SOD2: variants seen among roughly 807,000 people sequenced by gnomAD.
SOD2 encodes the protein superoxide dismutase [Mn], mitochondrial.
A neutral mutation model predicts 27.0 loss-of-function variants in SOD2; 11 were observed. The ratio of observed to expected loss-of-function variants is 0.41; its 90% CI spans 0.26 to 0.67. The LOEUF is 0.67. Ranked by LOEUF, SOD2 falls within the 30% of genes least tolerant of loss-of-function variation. SOD2 has a pLI of 0.34. For synonymous variants in SOD2, 105 were observed against 103.0 expected, an observed-to-expected ratio of 1.02 and a Z score of -0.12; for missense variants, 250 against 274.5, an observed-to-expected ratio of 0.91 and a Z score of 0.63.
rs527715134 is a variant in SOD2, at chr6:159,687,749, C to A, written c.343+377G>T. 4.3e-4 allele frequency among the ~76,000 whole-genome samples: 66 copies of A among 152,172 alleles called. 1 individual carries two copies. The South Asian group carries it at 8.9e-3, about 21-fold the overall frequency. On this transcript the variant is annotated intron_variant, in intron 3 of 4. Transcript: ENST00000538183. ...TTAGGCCAGGCACGGTGGCTCATGC[C>A]TGTAATCCCAGCACTTTGGGAGGCC...
chr6:159,696,746 G>A (rs1777427449), upstream of SOD2, among the ~76,000 whole-genome samples: 1 of 152,100 alleles, frequency 6.6e-6, no homozygotes, highest in African/African-American at 2.4e-5. Flanking sequence ...GCTGAGAAAT[G>A]TAGTCAGGTA....
At chr6:159,700,746 A>G (rs1777510438) in intron 1 of SOD2, among the ~76,000 whole-genome samples, 1 of 152,116 alleles carries the variant, frequency 6.6e-6, no homozygotes, top group Non-Finnish European at 1.5e-5. Context: ...CTTAGTCTCT[A>G]AGTACTAAAT....
chr6:159,727,238 G>A (rs1483540696), exon 1 of SOD2: 1 of 1,281,662 alleles, frequency 7.8e-7, no homozygotes, highest in Non-Finnish European at 1.0e-6. Context: ...CCCCGATCGG[G>A]CTAGGCCGAC....
At chr6:159,747,406 A>C (rs1250122499), upstream of SOD2, among the ~76,000 whole-genome samples, 3 of 152,192 alleles carry the variant, frequency 2.0e-5, no homozygotes, top group Non-Finnish European at 4.4e-5. Flanking sequence ...TTTAATCTCA[A>C]AATAAGCAGT....
At chr6:159,702,038 T>C (rs923664187) in intron 1 of SOD2, among the ~76,000 whole-genome samples, 1 of 152,240 alleles carries the variant, frequency 6.6e-6, no homozygotes, top group African/African-American at 2.4e-5. Context: ...AAGAGACTTG[T>C]TATTCAGTTC....
intron 1 of SOD2, among the ~76,000 whole-genome samples, chr6:159,710,431 G>T (rs12194483): frequency 0.32 from 48,219 of 151,650 alleles, 7,642 homozygotes; most frequent in East Asian, 0.4. Flanking sequence ...CCTGGCGACA[G>T]AGTTAGACTC....
At chr6:159,737,863 T>G (rs763239313) in intron 1 of SOD2, among the ~76,000 whole-genome samples, 2 of 152,236 alleles carry the variant, frequency 1.3e-5, no homozygotes, top group African/African-American at 2.4e-5. Flanking sequence ...ATATACTGTT[T>G]CTCAATTTTT....
In SOD2 at chr6:159,674,632, C is replaced by T. The variant is rs1369590068; in HGVS notation, c.*7861G>A. ...AGAGCTATCTATGACAAACCCACAGCCAATATCAGACTGAATGGGCAAAAA... is the reference window on the plus strand; with the variant it reads ...AGAGCTATCTATGACAAACCCACAGTCAATATCAGACTGAATGGGCAAAAA... On this transcript the variant is annotated 3_prime_UTR_variant, in exon 5 of 5. Transcript: ENST00000538183. 6.6e-6 allele frequency: 1 copy of T among 152,186 alleles called. No individual in the cohort carries two copies. The highest frequency in any genetic ancestry group is 1.5e-5 in the Non-Finnish European group (1 of 68,038). The allele number at this position is 152,186 out of a possible 1,614,324, so 9.4% of individuals were successfully genotyped here.
chr6:159,757,753 C>T (rs1780045166), intron 1 of SOD2, among the ~76,000 whole-genome samples: 1 of 152,122 alleles, frequency 6.6e-6, no homozygotes, highest in Non-Finnish European at 1.5e-5. Context: ...AGTAAAAAAT[C>T]CTATACGATT....
At chr6:159,761,178 T>G (rs1780116359) in exon 1 of SOD2, 1 of 165,598 alleles carries the variant, frequency 6.0e-6, no homozygotes, top group Non-Finnish European at 1.3e-5. Flanking sequence ...CTTCATGACT[T>G]TGTGACAAAG....
chr6:159,678,275 T>A lies in SOD2; in HGVS notation c.*4218A>T, dbSNP rs1263320138. ...GAGGCAATGGCTCACACCTGTAATC[T>A]CAGCACTTTGGGAGGCTGAGGTGGG... On this transcript the variant is annotated 3_prime_UTR_variant, in exon 5 of 5. Coordinates refer to ENST00000538183, the MANE Select transcript of SOD2 (RefSeq NM_000636.4). 1 of 152,182 alleles carries A rather than the reference T, an allele frequency of 6.6e-6. No individual in the cohort carries two copies. Among genetic ancestry groups the A allele is most frequent in the Non-Finnish European group, 1.5e-5 (1 of 68,100 alleles). 9.4% of individuals were successfully genotyped at this position (152,182 alleles called of 1,614,324 possible).
intron 1 of SOD2, among the ~76,000 whole-genome samples, chr6:159,740,249 G>A (rs1471584938): frequency 6.6e-6 from 1 of 151,954 alleles, no homozygotes; most frequent in Admixed American, 6.6e-5. Flanking sequence ...TTTAACTGTA[G>A]GAGGGGAAAA....
intron 1 of SOD2, among the ~76,000 whole-genome samples, chr6:159,704,810 A>C (rs1156966274): frequency 6.6e-6 from 1 of 152,206 alleles, no homozygotes; most frequent in Non-Finnish European, 1.5e-5. Flanking sequence ...GAGATCTGAC[A>C]ACAGACAGAC....
In SOD2 at chr6:159,720,027, CT is replaced by C. The variant is rs753147000; in HGVS notation, c.-116+7101del. Among the ~76,000 whole-genome samples the C allele has an allele frequency of 7.8e-3, 1,031 of 131,552 alleles. 10 individuals are homozygous for C. Among genetic ancestry groups the C allele is most frequent in the African/African-American group, 0.018 (628 of 35,678 alleles). The allele number at this position is 131,552 out of a possible 152,430, so 86.3% of individuals were successfully genotyped here. A position where few individuals can be genotyped will look rare whatever the true frequency, so the allele number is the denominator to read the frequency against. ...GCATGAGACACCATGCCCAGCCTTG[CT>C]TTTTTTTTTTTTTGGTGGGGGGGAC... On this transcript the variant is annotated intron_variant, in intron 1 of 2. Transcript: ENST00000401980.
At chr6:159,744,411 A>G (rs1477645856) in intron 1 of SOD2, among the ~76,000 whole-genome samples, 1 of 152,156 alleles carries the variant, frequency 6.6e-6, no homozygotes, top group South Asian at 2.1e-4. Flanking sequence ...TGTTTCTTCA[A>G]TTCTTTGTGT....
intron 1 of SOD2, among the ~76,000 whole-genome samples, chr6:159,720,218 T>C (rs1285323287): frequency 1.3e-5 from 2 of 151,722 alleles, no homozygotes; most frequent in Non-Finnish European, 2.9e-5. Context: ...TATATATAAA[T>C]ATATATTTTT....
At chr6:159,712,945 C>CA (rs1777857361) in intron 1 of SOD2, 1 of 613,244 alleles carries the variant, frequency 1.6e-6, no homozygotes, top group African/African-American at 1.9e-5. Flanking sequence ...ACCTGTGCTG[C>CA]ATATTAGCTT....
At chr6:159,732,102 G>A (rs550080295), upstream of SOD2, among the ~76,000 whole-genome samples, 1 of 152,148 alleles carries the variant, frequency 6.6e-6, no homozygotes, top group East Asian at 1.9e-4. Flanking sequence ...GCATACTCAG[G>A]TTTCGCATCC....
In SOD2 at chr6:159,721,406, T is replaced by C. The variant is rs186154961; in HGVS notation, c.-116+5723A>G. On this transcript the variant is annotated intron_variant, in intron 1 of 2. Coordinates refer to the SOD2 transcript ENST00000401980. ...TTTTTGAGACGGAGTTTTGCTCTCATTGCCCAGGCTGGAGTGCAATGGTGC... is the reference window on the plus strand; with the variant it reads ...TTTTTGAGACGGAGTTTTGCTCTCACTGCCCAGGCTGGAGTGCAATGGTGC... Among the ~76,000 whole-genome samples the C allele has an allele frequency of 1.4e-3, 207 of 151,142 alleles. 1 individual carries two copies. The highest frequency in any genetic ancestry group is 3.8e-3 in the Admixed American group (57 of 15,160).
Sources: allele counts gnomAD v4.1 joint callset (sites outside exome capture counted in the v4.1 genomes callset), GRCh38; gene constraint gnomAD v4.1.1; transcripts MANE v1.5; gene names NCBI Gene and HGNC (gene_info 2026-07-23, HGNC 2026-07-21).